The following ATG7 variants were observed in gnomAD, a reference collection of about 807,000 sequenced individuals.
The protein encoded by ATG7 is ubiquitin-like modifier-activating enzyme ATG7.
Under a neutral mutation model 82.4 loss-of-function variants are expected in ATG7, and 70 were observed. The observed-to-expected ratio is 0.85, with a 90% CI of 0.70 to 1.04. The LOEUF (loss-of-function observed/expected upper bound fraction) is 1.04. Among genes scored for constraint, ATG7 ranks in the 50% least tolerant of loss-of-function variants. The pLI, the probability that ATG7 is intolerant of heterozygous loss-of-function variation, is 0.00. For synonymous variants in ATG7, 287 were observed against 313.0 expected, an observed-to-expected ratio of 0.92 and a Z score of 0.88; for missense variants, 792 against 864.3, an observed-to-expected ratio of 0.92 and a Z score of 1.05.
At chr3:11,479,379 T>C (rs2088655999) in intron 20 of ATG7, among the ~76,000 whole-genome samples, 1 of 152,330 alleles carries the variant, frequency 6.6e-6, no homozygotes, top group South Asian at 2.1e-4. Flanking sequence ...TTTCATTTTA[T>C]AGAGTTTTTC....
At chr3:11,493,429 A>T (rs756436343) in intron 20 of ATG7, among the ~76,000 whole-genome samples, 5 of 152,240 alleles carry the variant, frequency 3.3e-5, no homozygotes, top group Non-Finnish European at 7.3e-5. Context: ...ATTGGTAAAA[A>T]GACATTATTC....
intron 17 of ATG7, 70 bp downstream of exon 17, chr3:11,362,998 A>C (rs1041810092): frequency 1.5e-6 from 2 of 1,342,390 alleles, no homozygotes; most frequent in African/African-American, 2.9e-5. Context: ...AGTGTCTCCC[A>C]TGGCCTTTTC....
chr3:11,469,320 A>G (rs1198441347), intron 20 of ATG7, among the ~76,000 whole-genome samples: 1 of 152,114 alleles, frequency 6.6e-6, no homozygotes, highest in Non-Finnish European at 1.5e-5. Flanking sequence ...GTAGTGGCGC[A>G]TGCCTGTGAT....
intron 20 of ATG7, among the ~76,000 whole-genome samples, chr3:11,440,613 C>T (rs900302311): frequency 8.0e-5 from 12 of 149,444 alleles, no homozygotes; most frequent in Middle Eastern, 3.5e-3. Flanking sequence ...CGTGAGCCAC[C>T]GCGCCCGGCC....
chr3:11,510,407 C>T (rs2153075000), intron 20 of ATG7: 1 of 402,446 alleles, frequency 2.5e-6, no homozygotes, highest in Non-Finnish European at 4.9e-6. Flanking sequence ...ATCTGAGTTA[C>T]TGCTACTGAA....
At chr3:11,523,811 C>G (rs2092503907) in intron 20 of ATG7, among the ~76,000 whole-genome samples, 1 of 152,140 alleles carries the variant, frequency 6.6e-6, no homozygotes, top group Non-Finnish European at 1.5e-5. Flanking sequence ...CATGGAAAAA[C>G]TAGAAAAAGT....
intron 20 of ATG7, among the ~76,000 whole-genome samples, chr3:11,502,905 A>T (rs1371293917): frequency 6.6e-6 from 1 of 152,194 alleles, no homozygotes; most frequent in East Asian, 1.9e-4. Context: ...CCATTTTGGA[A>T]ACTGAAAGTT....
At chr3:11,548,299 C>T (rs2071463059) in intron 20 of ATG7, among the ~76,000 whole-genome samples, 1 of 152,166 alleles carries the variant, frequency 6.6e-6, no homozygotes, top group African/African-American at 2.4e-5. Context: ...AGTCTCTTAT[C>T]AGATACATGA....
At chr3:11,310,481 G>C (rs1370667468) in intron 7 of ATG7, among the ~76,000 whole-genome samples, 1 of 152,204 alleles carries the variant, frequency 6.6e-6, no homozygotes, top group African/African-American at 2.4e-5. Context: ...AACAAGGCCA[G>C]TGGGTGGCTA....
intron 20 of ATG7, among the ~76,000 whole-genome samples, chr3:11,475,030 CTTTT>C (rs541118972): frequency 9.7e-5 from 14 of 144,410 alleles, no homozygotes; most frequent in Non-Finnish European, 1.7e-4. Flanking sequence ...AGTGACTTAA[CTTTT>C]TTTTTTTTTT....
At chr3:11,409,031 A>G (rs1201604202) in intron 19 of ATG7, among the ~76,000 whole-genome samples, 1 of 152,134 alleles carries the variant, frequency 6.6e-6, no homozygotes, top group East Asian at 1.9e-4. Flanking sequence ...AGAGTTCTTC[A>G]TGTATTTTGG....
intron 9 of ATG7, among the ~76,000 whole-genome samples, chr3:11,329,866 C>T (rs1246373788): frequency 6.6e-6 from 1 of 152,210 alleles, no homozygotes; most frequent in East Asian, 1.9e-4. Flanking sequence ...GCAATACTCT[C>T]TGTTCAGGAT....
At chr3:11,385,176 T>G (rs959357143) in intron 19 of ATG7, among the ~76,000 whole-genome samples, 1 of 152,034 alleles carries the variant, frequency 6.6e-6, no homozygotes, top group Non-Finnish European at 1.5e-5. Flanking sequence ...ACTACAGGCG[T>G]GCGCCACCAC....
chr3:11,414,762 G>A (rs2081225388), intron 19 of ATG7, among the ~76,000 whole-genome samples: 1 of 152,110 alleles, frequency 6.6e-6, no homozygotes, highest in African/African-American at 2.4e-5. Flanking sequence ...GAGAGTTTTT[G>A]TCATAAATGA....
At chr3:11,289,019 T>C (rs989982982) in intron 3 of ATG7, among the ~76,000 whole-genome samples, 1 of 152,234 alleles carries the variant, frequency 6.6e-6, no homozygotes, top group African/African-American at 2.4e-5. Flanking sequence ...CAATCCCATC[T>C]TGTGTAACTC....
chr3:11,362,680 G>A (rs1055615591), intron 16 of ATG7, 133 bp from the exon 17 acceptor site: 48 of 638,118 alleles, frequency 7.5e-5, no homozygotes, highest in Admixed American at 3.1e-5. Flanking sequence ...TGTACTTGAG[G>A]CTGGATGTTC....
chr3:11,341,825 C>T (rs183658016), intron 12 of ATG7, among the ~76,000 whole-genome samples: 3 of 152,216 alleles, frequency 2.0e-5, no homozygotes, highest in Non-Finnish European at 2.9e-5. Flanking sequence ...AAAAACTTTC[C>T]TCTTAATCAG....
intron 5 of ATG7, among the ~76,000 whole-genome samples, chr3:11,303,388 C>T (rs369878869): frequency 2.0e-5 from 3 of 152,166 alleles, no homozygotes; most frequent in Non-Finnish European, 2.9e-5. Flanking sequence ...AAGAATTTTC[C>T]GCCAGGCGCG....
rs538477953 is a variant in ATG7, at chr3:11,440,569, C to T, written c.2079+13643C>T. Among the ~76,000 whole-genome samples, 4 of 150,826 alleles carry T rather than the reference C, an allele frequency of 2.7e-5. No homozygotes were observed. The East Asian group carries it at 7.8e-4, about 29-fold the overall frequency. ...TCGATCTCCTGACCTCGTGATCCGC[C>T]CGCCTCGGCCTCCCAAAGTGCTGGG... On this transcript the variant is annotated intron_variant, in intron 20 of 20. Coordinates refer to ENST00000693202, the MANE Select transcript of ATG7 (RefSeq NM_001349232.2).
Sources: gnomAD v4.1 joint callset for allele counts (sites outside exome capture counted in the v4.1 genomes callset) on GRCh38, gnomAD v4.1.1 for gene constraint, MANE v1.5 for transcripts, NCBI Gene and HGNC (gene_info 2026-07-23, HGNC 2026-07-21) for gene names.